JAKMIP1: variants seen among roughly 807,000 people sequenced by gnomAD.
JAKMIP1 encodes the protein janus kinase and microtubule interacting protein 1.
In JAKMIP1, 33 loss-of-function variants were observed where a neutral mutation model predicts 113.0. The observed-to-expected ratio is 0.29, with a 90% CI of 0.22 to 0.39. JAKMIP1 has a LOEUF of 0.39. Ranked by LOEUF, JAKMIP1 falls within the 10% of genes least tolerant of loss-of-function variation. The pLI is 1.00. For synonymous variants in JAKMIP1, 480 were observed against 459.9 expected, an observed-to-expected ratio of 1.04 and a Z score of -0.56; for missense variants, 813 against 1,080.5, an observed-to-expected ratio of 0.75 and a Z score of 3.47.
intron 13 of JAKMIP1, among the ~76,000 whole-genome samples, chr4:6,052,750 T>C (rs917727480): frequency 2.0e-5 from 3 of 151,116 alleles, no homozygotes; most frequent in Non-Finnish European, 4.4e-5. Flanking sequence ...GTAGTGCTTA[T>C]AGAATTCTCA....
chr4:6,056,790 CA>C, intron 11 of JAKMIP1, 31 bp from the exon 12 acceptor site: 1 of 1,485,174 alleles, frequency 6.7e-7, no homozygotes, highest in South Asian at 1.1e-5. Flanking sequence ...TGGTCACATT[CA>C]TGGAAGCAAA....
rs1711979808 is a variant in JAKMIP1, at chr4:6,097,335, T to A, written c.624+8138A>T. Among the ~76,000 whole-genome samples the A allele has an allele frequency of 6.6e-6, 1 of 152,236 alleles. No individual in the cohort carries two copies. Among genetic ancestry groups the A allele is most frequent in the African/African-American group, 2.4e-5 (1 of 41,472 alleles). On this transcript the variant is annotated intron_variant, in intron 3 of 20. Coordinates refer to ENST00000409021, the MANE Select transcript of JAKMIP1 (RefSeq NM_001099433.2). This position sits in a 1 kb window ranked among gnomAD's most constrained non-coding sequence, Gnocchi z 4.3. ...TATATGCTACCAATAAGTAATCACT[T>A]CTTACACTTATTCACACATACCACT...
At chr4:6,074,645 G>C (rs920772803) in intron 8 of JAKMIP1, among the ~76,000 whole-genome samples, 1 of 152,248 alleles carries the variant, frequency 6.6e-6, no homozygotes, top group African/African-American at 2.4e-5. Flanking sequence ...TATAACCTAC[G>C]CACATCCTCT....
intron 3 of JAKMIP1, among the ~76,000 whole-genome samples, chr4:6,102,294 G>A (rs1345047814): frequency 6.6e-6 from 1 of 152,176 alleles, no homozygotes; most frequent in African/African-American, 2.4e-5. Flanking sequence ...GCCATGTTCT[G>A]AATGTGTCTC....
intron 11 of JAKMIP1, among the ~76,000 whole-genome samples, chr4:6,057,685 C>G (rs1716673519): frequency 6.6e-6 from 1 of 152,340 alleles, no homozygotes; most frequent in African/African-American, 2.4e-5. Context: ...CCTCCCACCT[C>G]TGTGTGCACC....
chr4:6,133,098 A>G (rs1718742529), intron 1 of JAKMIP1, among the ~76,000 whole-genome samples: 1 of 152,230 alleles, frequency 6.6e-6, no homozygotes, highest in Admixed American at 6.5e-5. Flanking sequence ...ATGATACTCA[A>G]GGAGCTCATA....
At chr4:6,052,231 C>A (rs943860540) in intron 13 of JAKMIP1, among the ~76,000 whole-genome samples, 1 of 148,014 alleles carries the variant, frequency 6.8e-6, no homozygotes, top group Non-Finnish European at 1.5e-5. Context: ...AAAAAAAAAA[C>A]AAGCAAAAAA....
intron 8 of JAKMIP1, among the ~76,000 whole-genome samples, 179 bp downstream of exon 8, chr4:6,078,760 C>T (rs1438400519): frequency 6.6e-6 from 1 of 152,108 alleles, no homozygotes; most frequent in Non-Finnish European, 1.5e-5. Flanking sequence ...TCACATGACA[C>T]GGCCATATTT....
chr4:6,038,814 A>G (rs1713914798), intron 18 of JAKMIP1, among the ~76,000 whole-genome samples: 1 of 152,328 alleles, frequency 6.6e-6, no homozygotes, highest in South Asian at 2.1e-4. Flanking sequence ...TCTACTCAGC[A>G]GCCGAGCTCC....
At chr4:6,083,038 G>C (rs914108271) in intron 5 of JAKMIP1, among the ~76,000 whole-genome samples, 7 of 152,086 alleles carry the variant, frequency 4.6e-5, no homozygotes, top group Admixed American at 1.3e-4. Flanking sequence ...CTCTCGGTGA[G>C]TTTTAAGGTA....
chr4:6,043,358 C>T (rs934448894), intron 16 of JAKMIP1, among the ~76,000 whole-genome samples: 8 of 152,108 alleles, frequency 5.3e-5, no homozygotes, highest in Non-Finnish European at 1.2e-4. Context: ...TCTCCTCTGG[C>T]GGCAGCTGGT....
In JAKMIP1 at chr4:6,199,219, GTA is replaced by G. The variant is rs1728179918; in HGVS notation, c.-148+1032_-148+1033del. Reference sequence around the variant, plus strand: ...GGAGGAGGGCTGGCGGTTAGATACAGTATCGCTGGAGCTCAGAGAGCCGGGCA... The same window carrying G: ...GGAGGAGGGCTGGCGGTTAGATACAGTCGCTGGAGCTCAGAGAGCCGGGCA... On this transcript the variant is annotated intron_variant, in intron 1 of 20. Transcript: ENST00000409021. This position sits in a 1 kb window ranked among gnomAD's most constrained non-coding sequence, Gnocchi z 5.6. 6.6e-6 allele frequency among the ~76,000 whole-genome samples: 1 copy of G among 152,260 alleles called. No homozygotes were observed. Among genetic ancestry groups the G allele is most frequent in the Non-Finnish European group, 1.5e-5 (1 of 68,044 alleles).
In JAKMIP1 at chr4:6,140,089, G is replaced by A. The variant is rs902459589; in HGVS notation, c.-147-27092C>T. Among the ~76,000 whole-genome samples, 3 of 152,118 alleles carry A rather than the reference G, an allele frequency of 2.0e-5. No individual in the cohort carries two copies. Among genetic ancestry groups the A allele is most frequent in the African/African-American group, 7.2e-5 (3 of 41,388 alleles). On this transcript the variant is annotated intron_variant, in intron 1 of 20. Transcript: ENST00000409021. This position sits in a 1 kb window ranked among gnomAD's most constrained non-coding sequence, Gnocchi z 9.4. Reference sequence around the variant, plus strand: ...TAGGAAACGAATATATTTATTAGATGGATTGAGATGTACTGAGAATAGCTA... The same window carrying A: ...TAGGAAACGAATATATTTATTAGATAGATTGAGATGTACTGAGAATAGCTA...
At chr4:6,189,116 G>T (rs1726955647) in intron 1 of JAKMIP1, among the ~76,000 whole-genome samples, 1 of 152,174 alleles carries the variant, frequency 6.6e-6, no homozygotes, top group Non-Finnish European at 1.5e-5. Flanking sequence ...GCATTCGGAG[G>T]GTATGGCTTG....
At chr4:6,172,447 G>A (rs1724840445) in intron 1 of JAKMIP1, among the ~76,000 whole-genome samples, 1 of 152,170 alleles carries the variant, frequency 6.6e-6, no homozygotes, top group Non-Finnish European at 1.5e-5. Context: ...GTCCCATGCT[G>A]CTCCAGCTCT....
Position 6,150,973 on chromosome 4 carries a change from G to A in JAKMIP1, c.-147-37976C>T, listed in dbSNP as rs570150333. Among the ~76,000 whole-genome samples, 1 of 152,184 alleles carries A rather than the reference G, an allele frequency of 6.6e-6. No individual in the cohort carries two copies. The highest frequency in any genetic ancestry group is 2.1e-4 in the South Asian group (1 of 4,804). ...TCATCCACCAAAAGCAAAACACCTG[G>A]TGAAGGCTGCTGGGGATGGCAGCTC... On this transcript the variant is annotated intron_variant, in intron 1 of 20. Transcript: ENST00000409021. The surrounding 1 kb of genome is among the most constrained non-coding windows in gnomAD (Gnocchi z 4.8).
rs1263395310 is a variant in JAKMIP1, at chr4:6,094,458, C to T, written c.625-8829G>A. On this transcript the variant is annotated intron_variant, in intron 3 of 20. Transcript: ENST00000409021. The surrounding 1 kb of genome is among the most constrained non-coding windows in gnomAD (Gnocchi z 4.2). ...GCCTGGCCCCAGTGAGAGGGCTTGG[C>T]AGACAGGCATGGGAGTAAACAAACC... Among the ~76,000 whole-genome samples, 1 of 152,166 alleles carries T rather than the reference C, an allele frequency of 6.6e-6. No homozygotes were observed. The highest frequency in any genetic ancestry group is 1.5e-5 in the Non-Finnish European group (1 of 68,030).
At chr4:6,117,443 A>T (rs1715971528) in intron 1 of JAKMIP1, among the ~76,000 whole-genome samples, 1 of 152,230 alleles carries the variant, frequency 6.6e-6, no homozygotes, top group South Asian at 2.1e-4. Context: ...GGTGACAGAC[A>T]TCAGGTACTT....
chr4:6,131,737 AATT>A (rs1718545318), intron 1 of JAKMIP1, among the ~76,000 whole-genome samples: 1 of 152,188 alleles, frequency 6.6e-6, no homozygotes, highest in South Asian at 2.1e-4. Flanking sequence ...CTAAACCAAA[AATT>A]ATTAATACAT....
Sources: gnomAD v4.1 joint callset for allele counts (sites outside exome capture counted in the v4.1 genomes callset) on GRCh38, gnomAD v4.1.1 for gene constraint, Gnocchi (gnomAD v3.1) non-coding constraint, MANE v1.5 for transcripts, NCBI Gene and HGNC (gene_info 2026-07-23, HGNC 2026-07-21) for gene names.